FLII: variants seen among roughly 807,000 people sequenced by gnomAD.
The protein encoded by FLII is protein flightless-1 homolog.
In FLII, 101 loss-of-function variants were observed where a neutral mutation model predicts 156.2. The ratio of observed to expected loss-of-function variants is 0.65; its 90% confidence interval spans 0.55 to 0.76. The LOEUF is 0.76. Ranked by LOEUF, FLII falls within the 30% of genes least tolerant of loss-of-function variation. FLII has a pLI of 0.00. For missense variants in FLII, 1,675 were observed against 1,682.8 expected (o/e 1.00, Z 0.08); for synonymous variants, 767 against 685.8 (o/e 1.12, Z -1.85).
chr17:18,252,380 C>A (rs992603906), intron 10 of FLII, 92 bp downstream of exon 10: 104 of 1,264,560 alleles, frequency 8.2e-5, no homozygotes, highest in Middle Eastern at 6.2e-4. Context: ...CACTGGCCAC[C>A]TCCCTCAGGA....
Position 18,249,345 on chromosome 17 carries a change from C to G in FLII, c.1840G>C (p.Asp614His). The G allele has an allele frequency of 6.2e-7, 1 of 1,614,150 alleles. No individual in the cohort carries two copies. The highest frequency in any genetic ancestry group is 8.5e-7 in the Non-Finnish European group (1 of 1,179,980). The change falls in exon 15 of 30, where the codon GAC (aspartate) becomes CAC (histidine). Residue 614 changes from aspartate to histidine, a missense_variant. By Grantham distance (81) the Asp-to-His change is moderately conservative (BLOSUM62 -1). Coordinates refer to ENST00000327031, the MANE Select transcript of FLII (RefSeq NM_002018.4). Reference protein sequence around the residue: ...GTASGFYTVEDTHYVTRMYRV... With the variant: ...GTASGFYTVEHTHYVTRMYRV... ...CCTCACCTGGTGACATAGTGTGTGT[C>G]TTCCACAGTGTAGAAGCCACTGGCT...
chr17:18,251,149 G>T, intron 13 of FLII, 116 bp downstream of exon 13: 1 of 1,403,968 alleles, frequency 7.1e-7, no homozygotes, highest in Non-Finnish European at 9.7e-7. Context: ...ACCACCTCCT[G>T]CAGCCTGCCC....
chr17:18,252,209 C>T, intron 10 of FLII, 63 bp from the exon 11 acceptor site: 2 of 1,477,108 alleles, frequency 1.4e-6, no homozygotes, highest in Admixed American at 1.7e-5. Context: ...ACACACCAAT[C>T]CAGTTTCTTG....
intron 20 of FLII, 128 bp downstream of exon 20, chr17:18,247,528 CT>C: frequency 9.3e-7 from 1 of 1,080,246 alleles, no homozygotes; most frequent in South Asian, 1.6e-5. Flanking sequence ...GGGGCGGGGC[CT>C]GGGCAGAGTC....
Position 18,254,870 on chromosome 17 carries a change from A to G in FLII, c.328-16T>C, listed in dbSNP as rs758665022. On this transcript the variant is annotated splice_polypyrimidine_tract_variant and intron_variant, in intron 4 of 29. Transcript: ENST00000327031. ...GGCTCAAGTCCTGGGTAGAAGGGGC[A>G]AGACCCAGGTCAGGGGAGTCTCCTC... 6.2e-7 allele frequency: 1 copy of G among 1,613,454 alleles called. No individual in the cohort carries two copies. Among genetic ancestry groups the G allele is most frequent in the Non-Finnish European group, 8.5e-7 (1 of 1,179,450 alleles).
chr17:18,245,570 T>A lies in FLII; in HGVS notation c.3594A>T (p.Leu1198=), dbSNP rs139083121. 3.4e-4 allele frequency: 547 copies of A among 1,613,864 alleles called. 1 individual carries two copies. The African/African-American group carries it at 4.6e-3, about 14-fold the overall frequency. The change falls in exon 28 of 30, where the codon CTA becomes CTT. Residue 1198 remains leucine, a synonymous_variant. Coordinates refer to ENST00000327031, the MANE Select transcript of FLII (RefSeq NM_002018.4). ...AACATCACACCTCTTGGCCATTGTC[T>A]AGCAACATGATGTCATCATCTGCCA... The part of the protein sequence containing the change: ...DDLADDDIML[L]DNGQEVYMWV...
Position 18,254,571 on chromosome 17 carries a change from G to T in FLII, c.525C>A (p.His175Gln). Residue 175 changes from histidine to glutamine, a missense_variant, in exon 6 of 30, where the codon CAC (histidine) becomes CAA (glutamine). Physicochemically the swap from His to Gln is conservative, Grantham distance 24. This residue lies in a region of FLII where 343 missense variants were observed against 413.5 expected (regional missense o/e 0.83). Coordinates refer to ENST00000327031, the MANE Select transcript of FLII (RefSeq NM_002018.4). ...TTCCATTGAGCACGAGCGTCTGCAG[G>T]TGCACCAGGCGGCGCATCTGCGGGG... ...SLPPQMRRLV[H>Q]LQTLVLNGNP... The T allele has an allele frequency of 6.2e-7, 1 of 1,613,716 alleles. No individual in the cohort carries two copies. The highest frequency in any genetic ancestry group is 8.5e-7 in the Non-Finnish European group (1 of 1,179,912).
Position 18,246,468 on chromosome 17 carries a change from G to A in FLII, c.3052-6C>T, listed in dbSNP as rs370427382. ...TGCTGCGTCATGCGTACCACCTGGG[G>A]ATGTGGAAGTGTTAGGGGCAGCTCC... On this transcript the variant is annotated splice_region_variant and splice_polypyrimidine_tract_variant and intron_variant, in intron 23 of 29. Transcript: ENST00000327031. The A allele has an allele frequency of 6.8e-6, 11 of 1,613,672 alleles. No individual in the cohort carries two copies. Among genetic ancestry groups the A allele is most frequent in the Non-Finnish European group, 9.3e-6 (11 of 1,179,992 alleles).
In FLII at chr17:18,253,460, T is replaced by G. The variant is rs1469407159; in HGVS notation, c.856-2A>C. 6.2e-7 allele frequency: 1 copy of G among 1,613,836 alleles called. No homozygotes were observed. The highest frequency in any genetic ancestry group is 1.1e-5 in the South Asian group (1 of 91,088). The stretch of plus-strand genomic sequence containing the variant: ...CTTGCTCAGCTTGCAAATGGCTGAC[T>G]GGAGGGGGAACGGGCAGGGGTGGGA... On this transcript the variant is annotated splice_acceptor_variant, in intron 8 of 29. Coordinates refer to ENST00000327031, the MANE Select transcript of FLII (RefSeq NM_002018.4). LOFTEE classifies it high-confidence loss of function.
rs779182529 is a variant in FLII, at chr17:18,247,888, G to A, written c.2296-40C>T. ...TCTGGAGGTCAAAGCCCAGCCAACG[G>A]GGAGGGATCTGGCCCCACGCCCTCC... is the stretch of plus-strand genomic sequence containing the variant. On this transcript the variant is annotated intron_variant, in intron 19 of 29. Transcript: ENST00000327031. 2.5e-6 allele frequency: 4 copies of A among 1,613,028 alleles called. No homozygotes were observed. The African/African-American group carries it at 4.0e-5, about 16-fold the overall frequency.
At position 18,258,543 on chromosome 17, in the gene FLII, G is replaced by A. The variant is rs887847826; in HGVS notation, c.63+85C>T. 56 of 1,517,338 alleles carry A rather than the reference G, an allele frequency of 3.7e-5. No homozygotes were observed. Among genetic ancestry groups the A allele is most frequent in the Non-Finnish European group, 4.1e-5 (47 of 1,139,684 alleles). 94.0% of individuals were successfully genotyped at this position (1,517,338 alleles called of 1,614,324 possible). A position where few individuals can be genotyped will look rare whatever the true frequency, so the allele number is the denominator to read the frequency against. On this transcript the variant is annotated intron_variant, in intron 1 of 29. Transcript: ENST00000327031. The surrounding 1 kb of genome is among the most constrained non-coding windows in gnomAD (Gnocchi z 4.2). Reference sequence around the variant, plus strand: ...CCTGGGACACGCAGGGCCTGGAGCCGAGCGGGACAGGAAGCGGAGGCCAAG... The same window carrying A: ...CCTGGGACACGCAGGGCCTGGAGCCAAGCGGGACAGGAAGCGGAGGCCAAG...
chr17:18,253,594 C>A lies in FLII; in HGVS notation c.805G>T (p.Val269Leu). Residue 269 changes from valine to leucine, a missense_variant, in exon 8 of 30, where the codon GTG becomes TTG. Val to Leu is a conservative substitution (Grantham distance 32, BLOSUM62 1). This residue lies in a region of FLII where 343 missense variants were observed against 413.5 expected (regional missense o/e 0.83). Coordinates refer to ENST00000327031, the MANE Select transcript of FLII (RefSeq NM_002018.4). ...TELSLCIDQW[V>L]HVETLNLSRN... ...GACAGGTTCAGAGTTTCCACGTGCA[C>A]CCACTGGTCTATGCACAGGGACAGC... is the stretch of plus-strand genomic sequence containing the variant. 1 of 1,614,052 alleles carries A rather than the reference C, an allele frequency of 6.2e-7. No individual in the cohort carries two copies. Among genetic ancestry groups the A allele is most frequent in the South Asian group, 1.1e-5 (1 of 91,088 alleles).
In FLII at chr17:18,258,387, C is replaced by T; in HGVS notation, c.63+241G>A. 1 of 1,182,570 alleles carries T rather than the reference C, an allele frequency of 8.5e-7. No individual in the cohort carries two copies. The highest frequency in any genetic ancestry group is 1.2e-6 in the Non-Finnish European group (1 of 859,334). The allele number at this position is 1,182,570 out of a possible 1,614,324, so 73.3% of individuals were successfully genotyped here. On this transcript the variant is annotated intron_variant, in intron 1 of 29. Coordinates refer to ENST00000327031, the MANE Select transcript of FLII (RefSeq NM_002018.4). This position sits in a 1 kb window ranked among gnomAD's most constrained non-coding sequence, Gnocchi z 4.2. The stretch of plus-strand genomic sequence containing the variant: ...GGGTGGGGGCTCCCGGCCGGGCCCC[C>T]GGCGGGACTCCGAGCCCAAGCGTCC...
Position 18,249,155 on chromosome 17 carries a change from G to C in FLII, c.1906C>G (p.Pro636Ala), listed in dbSNP as rs143959528. ...GGGTCCAGAGAGGTCCCCTTGAGGGGCACAGGCTCCAACTTGATGTTCTTT... is the reference window on the plus strand; with the variant it reads ...GGGTCCAGAGAGGTCCCCTTGAGGGCCACAGGCTCCAACTTGATGTTCTTT... ...GKKNIKLEPVPLKGTSLDPRF... is the reference protein window; with the variant it reads ...GKKNIKLEPVALKGTSLDPRF... Residue 636 changes from proline (P) to alanine (A), a missense_variant, in exon 16 of 30, where the codon CCC becomes GCC. By Grantham distance (27) the Pro-to-Ala change is conservative. Coordinates refer to ENST00000327031, the MANE Select transcript of FLII (RefSeq NM_002018.4). 1 of 1,613,992 alleles carries C rather than the reference G, an allele frequency of 6.2e-7. No homozygotes were observed. The highest frequency in any genetic ancestry group is 8.5e-7 in the Non-Finnish European group (1 of 1,180,030).
rs1247833723 is a variant in FLII at position 18,253,374 on chromosome 17, C to T, written c.940G>A (p.Gly314Ser). ...LDFDGLPSGI[G>S]KLTNLEEFMA... ...AACTCTTCCAGGTTGGTGAGCTTGCCAATGCCTGAGGGCAGCCCGTCAAAG... is the reference window on the plus strand; with the variant it reads ...AACTCTTCCAGGTTGGTGAGCTTGCTAATGCCTGAGGGCAGCCCGTCAAAG... Residue 314 changes from glycine (G) to serine (S), a missense_variant, in exon 9 of 30, where the codon GGC (glycine) becomes AGC (serine). Physicochemically the swap from Gly to Ser is moderately conservative, Grantham distance 56 (BLOSUM62 0). Coordinates refer to ENST00000327031, the MANE Select transcript of FLII (RefSeq NM_002018.4). 4 of 1,613,814 alleles carry T rather than the reference C, an allele frequency of 2.5e-6. No individual in the cohort carries two copies. The highest frequency in any genetic ancestry group is 2.5e-6 in the Non-Finnish European group (3 of 1,180,050).
intron 16 of FLII, 64 bp from the exon 17 acceptor site, chr17:18,248,947 T>C: frequency 6.8e-7 from 1 of 1,477,828 alleles, no homozygotes; most frequent in South Asian, 1.1e-5. Flanking sequence ...CCCATGCTCC[T>C]GACCCCACCA....
intron 16 of FLII, 35 bp from the exon 17 acceptor site, chr17:18,248,918 T>C: frequency 6.4e-7 from 1 of 1,564,750 alleles, no homozygotes; most frequent in Non-Finnish European, 8.8e-7. Context: ...GCTGTGATGG[T>C]GCATGGGGCA....
upstream of FLII, chr17:18,258,829 G>T: frequency 2.3e-6 from 1 of 432,798 alleles, no homozygotes; most frequent in Non-Finnish European, 3.6e-6. The surrounding 1 kb of genome is among the most constrained non-coding windows in gnomAD (Gnocchi z 4.2). Context: ...GGAAGTGTAG[G>T]CTTTAGGCCT....
In FLII at chr17:18,246,304, G is replaced by C. The variant is rs2048051001; in HGVS notation, c.3206+4C>G. The C allele has an allele frequency of 1.2e-6, 2 of 1,613,726 alleles. No homozygotes were observed. The highest frequency in any genetic ancestry group is 1.7e-6 in the Non-Finnish European group (2 of 1,180,044). On this transcript the variant is annotated splice_donor_region_variant and intron_variant, in intron 24 of 29. Coordinates refer to ENST00000327031, the MANE Select transcript of FLII (RefSeq NM_002018.4). ...CGCCACTGCGTCCTCCCCCAGCCAG[G>C]CACCGGGTGCAGAGGGCGCTGCCGT...
Sources: allele counts gnomAD v4.1 joint callset, GRCh38; gene constraint gnomAD v4.1.1; regional missense constraint gnomAD v4.1.1; non-coding constraint Gnocchi (gnomAD v3.1); transcripts MANE v1.5; gene names NCBI Gene and HGNC (gene_info 2026-07-23, HGNC 2026-07-21).